DNASE1: variants seen among roughly 807,000 people sequenced by gnomAD.
The protein encoded by DNASE1 is deoxyribonuclease-1.
DNASE1 carries 40 observed loss-of-function variants against 33.9 expected under a neutral mutation model. The observed-to-expected ratio is 1.18, with a 90% CI of 0.92 to 1.54. The LOEUF (loss-of-function observed/expected upper bound fraction) is 1.54. Among genes scored for constraint, DNASE1 ranks in the 40% most tolerant of loss-of-function variants. The pLI, the probability that DNASE1 is intolerant of heterozygous loss-of-function variation, is 0.00. For synonymous variants in DNASE1, 216 were observed against 160.0 expected, an observed-to-expected ratio of 1.35 and a Z score of -2.64; for missense variants, 518 against 372.6, an observed-to-expected ratio of 1.39 and a Z score of -3.21.
At chr16:3,628,888 T>C (rs116187401) in intron 1 of DNASE1, among the ~76,000 whole-genome samples, 8,765 of 144,576 alleles carry the variant, frequency 0.061, 290 homozygotes, top group Admixed American at 0.075. Flanking sequence ...TAAAAACTTT[T>C]AGGCTGGGCG....
chr16:3,636,094 C>T (rs1430811801), intron 1 of DNASE1, among the ~76,000 whole-genome samples: 1 of 152,104 alleles, frequency 6.6e-6, no homozygotes. Context: ...AATTGTCCCA[C>T]AGTTCTTGGA....
chr16:3,656,278 G>A (rs180966449), intron 4 of DNASE1, 93 bp downstream of exon 4: 1 of 1,352,270 alleles, frequency 7.4e-7, no homozygotes, highest in East Asian at 2.3e-5. Context: ...TTGTCCTATG[G>A]CAAGAACCTG....
At chr16:3,658,968 C>T, downstream of DNASE1, 1 of 1,179,852 alleles carries the variant, frequency 8.5e-7, no homozygotes, top group African/African-American at 1.5e-5. Context: ...CACAGTAAGA[C>T]TGTCTGTAGT....
chr16:3,618,779 A>G (rs976645380), intron 1 of DNASE1, among the ~76,000 whole-genome samples: 1 of 152,214 alleles, frequency 6.6e-6, no homozygotes, highest in Non-Finnish European at 1.5e-5. Context: ...TTCAGTCTAA[A>G]TGCCCTTCAG....
At chr16:3,656,044 C>T (rs1046859340) in intron 3 of DNASE1, 58 bp from the exon 4 acceptor site, 1 of 1,610,032 alleles carries the variant, frequency 6.2e-7, no homozygotes, top group African/African-American at 1.3e-5. Context: ...TCGCTATCGG[C>T]AGCCAGAGGG....
upstream of DNASE1, among the ~76,000 whole-genome samples, chr16:3,640,084 C>T (rs929804537): frequency 8.9e-4 from 136 of 152,326 alleles, no homozygotes; most frequent in Middle Eastern, 3.4e-3. Flanking sequence ...GGGTGATGGC[C>T]TTCTGCGGAG....
Position 3,627,400 on chromosome 16 carries a change from AGTATGGGACTATGG to A in DNASE1, c.-1358-13312_-1358-13299del, listed in dbSNP as rs1358470947. 1.3e-5 allele frequency among the ~76,000 whole-genome samples: 2 copies of A among 151,578 alleles called. 1 individual carries two copies. The highest frequency in any genetic ancestry group is 4.9e-5 in the African/African-American group (2 of 41,234). On this transcript the variant is annotated intron_variant and NMD_transcript_variant, in intron 1 of 11. Coordinates refer to the DNASE1 transcript ENST00000570769. ...GCCATCCTCCCACCTAAGCCTCCCG[AGTATGGGACTATGG>A]GTGTGTGCCACCATGGCTGGGTAAT... is the stretch of plus-strand genomic sequence containing the variant.
At chr16:3,622,291 ACACT>A (rs372388561) in intron 1 of DNASE1, among the ~76,000 whole-genome samples, 34 of 151,594 alleles carry the variant, frequency 2.2e-4, no homozygotes, top group African/African-American at 7.8e-4. Flanking sequence ...TCATATCCAC[ACACT>A]CACAGAATAT....
chr16:3,623,821 AATC>A (rs2041409872), intron 1 of DNASE1, among the ~76,000 whole-genome samples: 1 of 152,208 alleles, frequency 6.6e-6, no homozygotes, highest in South Asian at 2.1e-4. Flanking sequence ...TCACATCAGT[AATC>A]ATCAGAGAAA....
chr16:3,654,393 C>G, upstream of DNASE1: 2 of 398,742 alleles, frequency 5.0e-6, no homozygotes, highest in Admixed American at 8.8e-5. Flanking sequence ...CACCTGATGG[C>G]GATGAATCAG....
upstream of DNASE1, chr16:3,653,806 C>CAAAAAAAAAAAAAAAAA (rs71133649): frequency 4.0e-4 from 15 of 37,038 alleles, no homozygotes; most frequent in East Asian, 2.4e-3. Flanking sequence ...GATTCCGCCT[C>CAAAAAAAAAAAAAAAAA]AAAAAAAAAA....
chr16:3,620,491 C>G (rs1295586351), intron 1 of DNASE1, among the ~76,000 whole-genome samples: 1 of 150,456 alleles, frequency 6.6e-6, no homozygotes, highest in Non-Finnish European at 1.5e-5. Flanking sequence ...TCTACTTTAG[C>G]CTGGGTGACA....
intron 1 of DNASE1, among the ~76,000 whole-genome samples, chr16:3,618,978 C>CAACTTCCTTATCTTCCT (rs2041205949): frequency 6.6e-6 from 1 of 151,938 alleles, no homozygotes; most frequent in African/African-American, 2.4e-5. Flanking sequence ...CTGATCTTCC[C>CAACTTCCTTATCTTCCT]AACTTCCTTA....
At chr16:3,662,777 G>T, downstream of DNASE1, 1 of 1,064,898 alleles carries the variant, frequency 9.4e-7, no homozygotes, top group Non-Finnish European at 1.4e-6. Flanking sequence ...GGCTTCTGCT[G>T]CTGCTGGAAG....
downstream of DNASE1, chr16:3,658,917 C>T (rs754126236): frequency 1.5e-5 from 24 of 1,575,818 alleles, no homozygotes; most frequent in Non-Finnish European, 2.1e-5. Flanking sequence ...GTGCTGTGAC[C>T]CTCCCTTCAT....
intron 1 of DNASE1, among the ~76,000 whole-genome samples, chr16:3,618,561 C>G (rs944864586): frequency 1.1e-4 from 17 of 152,178 alleles, no homozygotes; most frequent in Non-Finnish European, 2.4e-4. Flanking sequence ...GAAACCCCGT[C>G]TCTACTAAAA....
At chr16:3,658,779 GCTGCTGCACTCA>G, downstream of DNASE1, 1 of 1,612,186 alleles carries the variant, frequency 6.2e-7, no homozygotes, top group East Asian at 2.2e-5. Context: ...GTCATCCTAA[GCTGCTGCACTCA>G]CCTGATCCAC....
downstream of DNASE1, chr16:3,659,008 T>TATAG (rs1567216534): frequency 1.3e-6 from 1 of 770,554 alleles, no homozygotes; most frequent in East Asian, 2.8e-5. Context: ...AATGATCATT[T>TATAG]ATAGATAATA....
rs2042787025 is a variant in DNASE1 at position 3,657,790 on chromosome 16, G to A, written c.775G>A (p.Ala259Thr). The A allele has an allele frequency of 1.9e-6, 3 of 1,613,890 alleles. No homozygotes were observed. Among genetic ancestry groups the A allele is most frequent in the African/African-American group, 2.7e-5 (2 of 74,912 alleles). ...PDSALPFNFQ[A>T]AYGLSDQLAQ... ...CTCGGCTCTTCCCTTTAACTTCCAG[G>A]CTGCCTATGGCCTGAGTGACCAACT... The change falls in exon 8 of 9, where the codon GCT (alanine) becomes ACT (threonine). Residue 259 changes from alanine to threonine, a missense_variant. Ala to Thr is a moderately conservative substitution (Grantham distance 58). Transcript: ENST00000246949.
Sources: allele counts gnomAD v4.1 joint callset (sites outside exome capture counted in the v4.1 genomes callset), GRCh38; gene constraint gnomAD v4.1.1; transcripts MANE v1.5; gene names NCBI Gene and HGNC (gene_info 2026-07-23, HGNC 2026-07-21).